MTFMT: variants seen among roughly 807,000 people sequenced by gnomAD.
MTFMT encodes the protein mitochondrial methionyl-tRNA formyltransferase, also known as methionyl-tRNA formyltransferase, mitochondrial.
Under a neutral mutation model 51.8 loss-of-function variants are expected in MTFMT, and 47 were observed. The observed-to-expected ratio is 0.91, with a 90% CI of 0.72 to 1.16. MTFMT has a LOEUF of 1.16. MTFMT is among the 50% of genes most tolerant of loss of function. The pLI, the probability that MTFMT is intolerant of heterozygous loss-of-function variation, is 0.00. For missense variants in MTFMT, 512 were observed against 482.3 expected (o/e 1.06, Z -0.58); for synonymous variants, 196 against 176.7 (o/e 1.11, Z -0.87).
intron 5 of MTFMT, among the ~76,000 whole-genome samples, chr15:65,018,362 T>C (rs1223147222): frequency 1.3e-5 from 2 of 152,252 alleles, no homozygotes; most frequent in African/African-American, 4.8e-5. Flanking sequence ...GTAGTAATAT[T>C]GGTATTGTAA....
At chr15:65,008,100 T>C (rs1300972946) in intron 6 of MTFMT, among the ~76,000 whole-genome samples, 2 of 152,240 alleles carry the variant, frequency 1.3e-5, no homozygotes, top group Non-Finnish European at 2.9e-5. Context: ...TTGATCCATC[T>C]ATATTTTGAT....
chr15:65,015,850 A>AACACAC (rs1491460146), intron 6 of MTFMT: 1 of 152,124 alleles, frequency 6.6e-6, no homozygotes, highest in South Asian at 2.1e-4. Context: ...AAAATAAAAC[A>AACACAC]ACACACACAC....
At position 65,004,956 on chromosome 15, in the gene MTFMT, A is replaced by G; in HGVS notation, c.893-20T>C. 6.4e-7 allele frequency: 1 copy of G among 1,563,416 alleles called. No homozygotes were observed. Among genetic ancestry groups the G allele is most frequent in the Non-Finnish European group, 8.8e-7 (1 of 1,135,484 alleles). On this transcript the variant is annotated intron_variant, in intron 7 of 8. Coordinates refer to ENST00000220058, the MANE Select transcript of MTFMT (RefSeq NM_139242.4). Reference sequence around the variant, plus strand: ...TTGGATCTGAAGAATGGAAAAAAGAAAAGATATACAAGAGAAAAAAGCAAT... The same window carrying G: ...TTGGATCTGAAGAATGGAAAAAAGAGAAGATATACAAGAGAAAAAAGCAAT...
intron 6 of MTFMT, among the ~76,000 whole-genome samples, chr15:65,008,731 T>C (rs1355026639): frequency 6.6e-6 from 1 of 152,240 alleles, no homozygotes; most frequent in African/African-American, 2.4e-5. Flanking sequence ...CATAGCCTCT[T>C]CTATAACTTG....
chr15:65,019,598 G>A (rs985647652), intron 5 of MTFMT, among the ~76,000 whole-genome samples: 4 of 152,022 alleles, frequency 2.6e-5, no homozygotes, highest in African/African-American at 7.2e-5. Flanking sequence ...CAAACAACTG[G>A]CCTGGTCTCT....
chr15:65,012,672 C>G (rs12592439), intron 6 of MTFMT, among the ~76,000 whole-genome samples: 7 of 152,120 alleles, frequency 4.6e-5, no homozygotes, highest in African/African-American at 1.4e-4. Flanking sequence ...AGTGCTGGGA[C>G]TACAGGCATA....
chr15:65,010,428 A>G (rs1241480768), intron 6 of MTFMT, among the ~76,000 whole-genome samples: 3 of 152,102 alleles, frequency 2.0e-5, no homozygotes, highest in Non-Finnish European at 4.4e-5. Flanking sequence ...GGATTTGCCT[A>G]TTTTGGACAT....
chr15:65,012,684 G>A (rs72744631), intron 6 of MTFMT, among the ~76,000 whole-genome samples: 2,535 of 152,236 alleles, frequency 0.017, 30 homozygotes, highest in Admixed American at 0.024. Flanking sequence ...ACAGGCATAA[G>A]CCATCATGCC....
intron 6 of MTFMT, among the ~76,000 whole-genome samples, chr15:65,013,700 T>C (rs111245423): frequency 0.041 from 6,288 of 152,154 alleles, 326 homozygotes; most frequent in African/African-American, 0.11. Flanking sequence ...TGCCAGCATG[T>C]TGGGAGGCTG....
At position 65,026,757 on chromosome 15, in the gene MTFMT, T is replaced by C. The variant is rs1404774836; in HGVS notation, c.419+74A>G. 6 of 1,150,798 alleles carry C rather than the reference T, an allele frequency of 5.2e-6. No individual in the cohort carries two copies. The Admixed American group carries it at 9.3e-5, about 18-fold the overall frequency. The allele number at this position is 1,150,798 out of a possible 1,614,324, so 71.3% of individuals were successfully genotyped here. ...TACAGAAAGCATAGAGTTCAAATTATCACATTTTATATACAAGGTCCATTT... is the reference window on the plus strand; with the variant it reads ...TACAGAAAGCATAGAGTTCAAATTACCACATTTTATATACAAGGTCCATTT... On this transcript the variant is annotated intron_variant, in intron 2 of 8. Transcript: ENST00000220058.
Position 65,003,247 on chromosome 15 carries a change from T to C in MTFMT, c.985A>G (p.Ile329Val). Residue 329 changes from isoleucine (I) to valine (V), a missense_variant, in exon 9 of 9, where the codon ATT (isoleucine) becomes GTT (valine). By Grantham distance (29) the Ile-to-Val change is conservative. Coordinates refer to ENST00000220058, the MANE Select transcript of MTFMT (RefSeq NM_139242.4). ...TTGAGCATCACTGATCGAACACCAA[T>C]CCAACCATCCTAAAGGGCAAAATAC... ...ILLVYCKDGWIGVRSVMLKKS... is the reference protein window; with the variant it reads ...ILLVYCKDGWVGVRSVMLKKS... 6.2e-7 allele frequency: 1 copy of C among 1,612,486 alleles called. No homozygotes were observed. Among genetic ancestry groups the C allele is most frequent in the African/African-American group, 1.3e-5 (1 of 74,958 alleles).
At chr15:65,012,720 G>A (rs918761704) in intron 6 of MTFMT, among the ~76,000 whole-genome samples, 6 of 152,052 alleles carry the variant, frequency 3.9e-5, no homozygotes, top group Non-Finnish European at 5.9e-5. Context: ...CCCTTAATTC[G>A]ATTCTAATGA....
chr15:65,003,189 C>G lies in MTFMT; in HGVS notation c.1043G>C (p.Gly348Ala). 6.2e-7 allele frequency: 1 copy of G among 1,613,648 alleles called. No individual in the cohort carries two copies. The highest frequency in any genetic ancestry group is 1.1e-5 in the South Asian group (1 of 91,062). Residue 348 changes from glycine (G) to alanine (A), a missense_variant, in exon 9 of 9, where the codon GGA becomes GCA. By Grantham distance (60) the Gly-to-Ala change is moderately conservative. Transcript: ENST00000220058. The part of the protein sequence containing the change: ...KSLTATDFYN[G>A]YLHPWYQKNS... ...TTTCTGGTACCAGGGGTGCAAATAT[C>G]CATTGTAGAAGTCAGTAGCTGTTAG... is the stretch of plus-strand genomic sequence containing the variant.
At chr15:65,016,629 C>A in intron 5 of MTFMT, 102 bp from the exon 6 acceptor site, 1 of 614,072 alleles carries the variant, frequency 1.6e-6, no homozygotes, top group South Asian at 3.4e-5. Context: ...TCATTCTAAC[C>A]TCTCAACTTT....
At chr15:65,017,900 T>C (rs115431080) in intron 5 of MTFMT, among the ~76,000 whole-genome samples, 2,092 of 152,304 alleles carry the variant, frequency 0.014, 54 homozygotes, top group African/African-American at 0.048. Flanking sequence ...ATGTATTTTA[T>C]GCCACCTTTT....
intron 3 of MTFMT, among the ~76,000 whole-genome samples, chr15:65,023,300 G>A (rs1419583641): frequency 6.6e-6 from 1 of 151,952 alleles, no homozygotes; most frequent in Non-Finnish European, 1.5e-5. Context: ...CTTATTTCAG[G>A]TTCCAAAAAT....
At chr15:65,021,169 T>C (rs943746611) in intron 4 of MTFMT, among the ~76,000 whole-genome samples, 2 of 152,206 alleles carry the variant, frequency 1.3e-5, no homozygotes, top group African/African-American at 4.8e-5. Flanking sequence ...AAGAGTCGCT[T>C]AGAAAATTGC....
At chr15:65,020,055 TA>T (rs2086358175) in intron 5 of MTFMT, 141 bp downstream of exon 5, 1 of 702,288 alleles carries the variant, frequency 1.4e-6, no homozygotes, top group Non-Finnish European at 2.3e-6. Flanking sequence ...GAATGCTTTC[TA>T]CCATTCTTTG....
intron 6 of MTFMT, among the ~76,000 whole-genome samples, chr15:65,013,942 C>CA (rs535975977): frequency 0.15 from 19,649 of 129,258 alleles, 1,550 homozygotes; most frequent in Admixed American, 0.22. Flanking sequence ...GACACCATCT[C>CA]AAAAAAAAAA....
Sources: allele counts gnomAD v4.1 joint callset (sites outside exome capture counted in the v4.1 genomes callset), GRCh38; gene constraint gnomAD v4.1.1; transcripts MANE v1.5; gene names NCBI Gene and HGNC (gene_info 2026-07-23, HGNC 2026-07-21).